BABAM1: variants seen among roughly 807,000 people sequenced by gnomAD.
The protein encoded by BABAM1 is BRISC and BRCA1-A complex member 1.
In BABAM1, 14 loss-of-function variants were observed where a neutral mutation model predicts 34.4. That is an observed-to-expected ratio of 0.41 (90% CI 0.27 to 0.64). The LOEUF (loss-of-function observed/expected upper bound fraction) is 0.64. Among genes scored for constraint, BABAM1 ranks in the 30% least tolerant of loss-of-function variants. The pLI, the probability that BABAM1 is intolerant of heterozygous loss-of-function variation, is 0.34. For missense variants in BABAM1, 393 were observed against 434.0 expected, an observed-to-expected ratio of 0.91 and a Z score of 0.84; for synonymous variants, 169 against 165.8, an observed-to-expected ratio of 1.02 and a Z score of -0.15.
intron 2 of BABAM1, among the ~76,000 whole-genome samples, chr19:17,270,991 C>CTT (rs778538341): frequency 6.0e-5 from 8 of 133,518 alleles, no homozygotes; most frequent in Admixed American, 7.5e-5. Context: ...CGCCTGGCCT[C>CTT]TTTTTTTTTT....
intron 5 of BABAM1, 79 bp downstream of exon 5, chr19:17,274,264 C>G: frequency 6.5e-7 from 1 of 1,539,716 alleles, no homozygotes; most frequent in Non-Finnish European, 8.9e-7. Context: ...AAGTCTAAGT[C>G]ATGACTCTGG....
chr19:17,267,658 T>C, intron 1 of BABAM1, 131 bp downstream of exon 1: 1 of 152,344 alleles, frequency 6.6e-6, no homozygotes, highest in Non-Finnish European at 1.5e-5. Context: ...GCCTCCATCC[T>C]TCTTGCTGCC....
At chr19:17,270,553 G>C (rs1426366031) in intron 2 of BABAM1, among the ~76,000 whole-genome samples, 1 of 139,826 alleles carries the variant, frequency 7.2e-6, no homozygotes, top group Non-Finnish European at 1.5e-5. Context: ...TTGAGACGGA[G>C]TCCCGCTCTG....
chr19:17,272,273 C>T (rs1425015225), intron 3 of BABAM1, among the ~76,000 whole-genome samples: 2 of 152,034 alleles, frequency 1.3e-5, no homozygotes, highest in Non-Finnish European at 2.9e-5. Context: ...AGCATGGTGG[C>T]GTGCTCCTAG....
intron 8 of BABAM1, chr19:17,277,171 C>CT (rs1304412955): frequency 3.2e-5 from 8 of 248,680 alleles, no homozygotes; most frequent in Non-Finnish European, 5.6e-5. Flanking sequence ...TCCTTTCTTT[C>CT]TTGCTTGCTT....
Position 17,275,821 on chromosome 19 carries a change from C to T in BABAM1, c.565C>T (p.Leu189Phe). 4 of 1,613,684 alleles carry T rather than the reference C, an allele frequency of 2.5e-6. No individual in the cohort carries two copies. Among genetic ancestry groups the T allele is most frequent in the Non-Finnish European group, 3.4e-6 (4 of 1,179,644 alleles). ...STFNLEGLFS[L>F]IQQKTELPVT... Reference sequence around the variant, plus strand: ...ACCAGATCTGGAAGGACTTTTCAGCCTCATGTAAGTCCCCTGTGGGGAAAT... The same window carrying T: ...ACCAGATCTGGAAGGACTTTTCAGCTTCATGTAAGTCCCCTGTGGGGAAAT... Residue 189 changes from leucine (L) to phenylalanine (F), a missense_variant, in exon 6 of 9, where the codon CTC becomes TTC. By Grantham distance (22) the Leu-to-Phe change is conservative. Coordinates refer to ENST00000598188, the MANE Select transcript of BABAM1 (RefSeq NM_014173.4).
intron 2 of BABAM1, among the ~76,000 whole-genome samples, chr19:17,270,030 A>G (rs2073820761): frequency 1.3e-5 from 2 of 151,068 alleles, no homozygotes; most frequent in Non-Finnish European, 2.9e-5. Context: ...TCCCGGGTTC[A>G]TGCCATTCTC....
At chr19:17,272,491 C>T (rs553125031) in intron 3 of BABAM1, among the ~76,000 whole-genome samples, 39 of 151,722 alleles carry the variant, frequency 2.6e-4, no homozygotes, top group Admixed American at 1.2e-3. Flanking sequence ...CTGCAAGCTC[C>T]GCCTCCCGGG....
Position 17,269,452 on chromosome 19 carries a change from G to A in BABAM1, c.285+361G>A, listed in dbSNP as rs190052662. 4.6e-3 allele frequency among the ~76,000 whole-genome samples: 684 copies of A among 149,366 alleles called. 2 individuals are homozygous for A. Among genetic ancestry groups the A allele is most frequent in the Non-Finnish European group, 7.4e-3 (502 of 67,626 alleles). On this transcript the variant is annotated intron_variant, in intron 2 of 8. Coordinates refer to ENST00000598188, the MANE Select transcript of BABAM1 (RefSeq NM_014173.4). ...TGCAACCTCTGCCTCCCGGGTTCAA[G>A]CAATTCTCCTGCCTCAGCCTCCCGA...
chr19:17,278,260 T>G (rs1176685496), intron 8 of BABAM1, among the ~76,000 whole-genome samples: 5 of 151,360 alleles, frequency 3.3e-5, no homozygotes, highest in Non-Finnish European at 5.9e-5. Context: ...AGGATCAAAG[T>G]GGGGGCCAGG....
At chr19:17,268,164 G>T (rs1249637466) in intron 1 of BABAM1, among the ~76,000 whole-genome samples, 2 of 151,886 alleles carry the variant, frequency 1.3e-5, no homozygotes, top group Non-Finnish European at 2.9e-5. Flanking sequence ...GGCCTGATTT[G>T]GGTCATGTGC....
At chr19:17,273,301 T>C (rs1398334870) in intron 3 of BABAM1, among the ~76,000 whole-genome samples, 1 of 152,148 alleles carries the variant, frequency 6.6e-6, no homozygotes, top group East Asian at 1.9e-4. Context: ...CTTGGAGATG[T>C]TGAAGGTGAC....
chr19:17,273,816 G>T (rs2073875352), intron 3 of BABAM1, 88 bp from the exon 4 acceptor site: 15 of 1,469,260 alleles, frequency 1.0e-5, no homozygotes, highest in Non-Finnish European at 1.4e-5. Flanking sequence ...ACCTGCCTCA[G>T]CCTCCCAAAG....
chr19:17,276,827 T>C lies in BABAM1; in HGVS notation c.704T>C (p.Met235Thr). Residue 235 changes from methionine (M) to threonine (T), a missense_variant, in exon 8 of 9, where the codon ATG becomes ACG. Transcript: ENST00000598188. The stretch of plus-strand genomic sequence containing the variant: ...TGTTCTTTACTTCCCCTGCAGAAAA[T>C]GTTCCAGTGCCCATATTTCTTCTTT... ...QFSLTEPMKK[M>T]FQCPYFFFDV... 6.2e-7 allele frequency: 1 copy of C among 1,603,296 alleles called. No homozygotes were observed. The highest frequency in any genetic ancestry group is 8.5e-7 in the Non-Finnish European group (1 of 1,174,830).
In BABAM1 at chr19:17,279,237, C is replaced by G; in HGVS notation, c.*189C>G. ...CCCAGGAACTGTGGGCACCCATTTT[C>G]TGTGTCTCCCAGCCCATTTCCACTC... On this transcript the variant is annotated 3_prime_UTR_variant, in exon 9 of 9. Transcript: ENST00000598188. The G allele has an allele frequency of 1.8e-6, 1 of 563,954 alleles. No individual in the cohort carries two copies. Among genetic ancestry groups the G allele is most frequent in the Admixed American group, 3.3e-5 (1 of 29,986 alleles). 34.9% of individuals were successfully genotyped at this position (563,954 alleles called of 1,614,324 possible). A position where few individuals can be genotyped will look rare whatever the true frequency, so the allele number is the denominator to read the frequency against.
Position 17,274,493 on chromosome 19 carries a change from G to T in BABAM1, c.544+308G>T, listed in dbSNP as rs148346472. ...TGAGGCACAAGAATCACTTGAGTCC[G>T]GGAGGCGGAGGTTGCAGTGAGCTGA... is the stretch of plus-strand genomic sequence containing the variant. On this transcript the variant is annotated intron_variant, in intron 5 of 8. Transcript: ENST00000598188. The T allele has an allele frequency of 1.2e-3, 407 of 352,188 alleles. 4 individuals are homozygous for T. Among genetic ancestry groups the T allele is most frequent in the African/African-American group, 7.9e-3 (375 of 47,604 alleles). The allele number at this position is 352,188 out of a possible 1,614,324, so 21.8% of individuals were successfully genotyped here.
intron 3 of BABAM1, among the ~76,000 whole-genome samples, chr19:17,273,555 G>GTTTGTTTTGT (rs1491522964): frequency 1.5e-4 from 2 of 13,228 alleles, no homozygotes; most frequent in African/African-American, 6.0e-4. Flanking sequence ...GTTTTTTTTT[G>GTTTGTTTTGT]TTTGTTTTGT....
Position 17,271,593 on chromosome 19 carries a change from G to A in BABAM1, c.286-4G>A. The A allele has an allele frequency of 1.2e-6, 2 of 1,613,588 alleles. No homozygotes were observed. The highest frequency in any genetic ancestry group is 4.5e-5 in the East Asian group (2 of 44,874). On this transcript the variant is annotated splice_region_variant and splice_polypyrimidine_tract_variant and intron_variant, in intron 2 of 8. Transcript: ENST00000598188. ...ACGCTCACCACCCTCCAACTACCTTGCAGATTATCTGCCTGGACCTGTCAG... is the reference window on the plus strand; with the variant it reads ...ACGCTCACCACCCTCCAACTACCTTACAGATTATCTGCCTGGACCTGTCAG...
intron 8 of BABAM1, 22 bp from the exon 9 acceptor site, chr19:17,278,823 C>T (rs374564644): frequency 1.5e-4 from 237 of 1,601,024 alleles, no homozygotes; most frequent in Non-Finnish European, 2.0e-4. Flanking sequence ...CAGCCCTTCA[C>T]TGACCCCCGC....
Sources: allele counts gnomAD v4.1 joint callset (sites outside exome capture counted in the v4.1 genomes callset), GRCh38; gene constraint gnomAD v4.1.1; transcripts MANE v1.5; gene names NCBI Gene and HGNC (gene_info 2026-07-23, HGNC 2026-07-21).